Variants in PABPC4L observed in about 807,000 individuals in gnomAD.
PABPC4L encodes polyadenylate-binding protein 4-like.
For missense variants in PABPC4L, 452 were observed against 451.4 expected (o/e 1.00, Z -0.01); for synonymous variants, 169 against 164.1 (o/e 1.03, Z -0.23).
the PABPC4L span, among the ~76,000 whole-genome samples, chr4:134,146,498 T>C: frequency 6.6e-6 from 1 of 152,022 alleles, no homozygotes; most frequent in Non-Finnish European, 1.5e-5. Flanking sequence ...ATAGGAAATA[T>C]TTCAGCTCTT....
At chr4:134,157,963 C>G in the PABPC4L span, among the ~76,000 whole-genome samples, 2 of 151,676 alleles carry the variant, frequency 1.3e-5, no homozygotes, top group Non-Finnish European at 3.0e-5. Flanking sequence ...TGTTCTCTCT[C>G]TCCTCATATA....
chr4:133,970,687 CTCAAGGTGG>C, the PABPC4L span, among the ~76,000 whole-genome samples: 1 of 152,104 alleles, frequency 6.6e-6, no homozygotes, highest in South Asian at 2.1e-4. Context: ...AATTCTAACC[CTCAAGGTGG>C]TAGTATTAGG....
At chr4:134,077,445 A>G in the PABPC4L span, among the ~76,000 whole-genome samples, 2 of 152,064 alleles carry the variant, frequency 1.3e-5, no homozygotes, top group African/African-American at 4.8e-5. Flanking sequence ...GAAGAGGGGA[A>G]AAAAAAGTGT....
chr4:134,001,114 GT>G, the PABPC4L span, among the ~76,000 whole-genome samples: 2 of 151,894 alleles, frequency 1.3e-5, no homozygotes, highest in African/African-American at 4.8e-5. Flanking sequence ...TTTTAGCAGA[GT>G]TTGTATTCAA....
chr4:134,129,708 A>T, the PABPC4L span, among the ~76,000 whole-genome samples: 1 of 152,090 alleles, frequency 6.6e-6, no homozygotes, highest in Admixed American at 6.6e-5. Flanking sequence ...GACAAAACCT[A>T]TCAAAACCTC....
chr4:134,165,024 C>A, the PABPC4L span, among the ~76,000 whole-genome samples: 1 of 152,028 alleles, frequency 6.6e-6, no homozygotes, highest in South Asian at 2.1e-4. Flanking sequence ...AAAACATAAA[C>A]TGGGGAAAGG....
At chr4:133,986,195 G>T in the PABPC4L span, among the ~76,000 whole-genome samples, 8 of 152,000 alleles carry the variant, frequency 5.3e-5, no homozygotes, top group Non-Finnish European at 1.2e-4. Flanking sequence ...GGTATTAAAT[G>T]CTTGTCTGGT....
chr4:134,039,201 T>A, the PABPC4L span, among the ~76,000 whole-genome samples: 1 of 152,148 alleles, frequency 6.6e-6, no homozygotes, highest in Non-Finnish European at 1.5e-5. Context: ...TTCATTATGA[T>A]TTCCATTCTT....
chr4:134,033,945 G>T, the PABPC4L span, among the ~76,000 whole-genome samples: 1 of 151,954 alleles, frequency 6.6e-6, no homozygotes, highest in South Asian at 2.1e-4. Context: ...CTAAACAATA[G>T]ATTTTCAATA....
At chr4:134,085,730 A>G in the PABPC4L span, among the ~76,000 whole-genome samples, 1 of 152,110 alleles carries the variant, frequency 6.6e-6, no homozygotes, top group Non-Finnish European at 1.5e-5. Flanking sequence ...GGGAGTCTAC[A>G]ATGTTGTTTC....
In PABPC4L at chr4:134,199,752, A is replaced by T. The variant is rs548060082; in HGVS notation, c.*155T>A. 7.3e-6 allele frequency: 7 copies of T among 958,978 alleles called. 1 individual carries two copies. Among genetic ancestry groups the T allele is most frequent in the Non-Finnish European group, 1.0e-5 (7 of 679,802 alleles). The allele number at this position is 958,978 out of a possible 1,614,324, so 59.4% of individuals were successfully genotyped here. A position where few individuals can be genotyped will look rare whatever the true frequency, so the allele number is the denominator to read the frequency against. ...CATCTATTTTTCCACAAAAGAAAAAAAATGGCTTTGTATAAAAAACGTTTT... is the reference window on the plus strand; with the variant it reads ...CATCTATTTTTCCACAAAAGAAAAATAATGGCTTTGTATAAAAAACGTTTT... On this transcript the variant is annotated 3_prime_UTR_variant, in exon 2 of 2. Transcript: ENST00000421491.
chr4:134,065,367 T>G, the PABPC4L span, among the ~76,000 whole-genome samples: 1,931 of 152,234 alleles, frequency 0.013, 40 homozygotes, highest in African/African-American at 0.041. Context: ...ATTTTTTATA[T>G]GCTTGTTGGC....
the PABPC4L span, among the ~76,000 whole-genome samples, chr4:134,143,529 T>C: frequency 6.6e-6 from 1 of 150,574 alleles, no homozygotes; most frequent in Non-Finnish European, 1.5e-5. Context: ...GAACTTATGT[T>C]AATACACAAA....
At chr4:133,962,304 G>T in the PABPC4L span, among the ~76,000 whole-genome samples, 1 of 152,156 alleles carries the variant, frequency 6.6e-6, no homozygotes, top group Non-Finnish European at 1.5e-5. Flanking sequence ...ACTTGAAAAA[G>T]AATTCAGGAG....
At chr4:134,027,412 C>T in the PABPC4L span, among the ~76,000 whole-genome samples, 2 of 152,070 alleles carry the variant, frequency 1.3e-5, no homozygotes, top group Non-Finnish European at 2.9e-5. Flanking sequence ...AAAGAAGCCA[C>T]GTTGTTTTTA....
At chr4:134,186,744 C>T in the PABPC4L span, among the ~76,000 whole-genome samples, 26 of 152,052 alleles carry the variant, frequency 1.7e-4, no homozygotes, top group African/African-American at 4.8e-4. Flanking sequence ...CTACCATCAG[C>T]GTGAACAGGC....
chr4:133,978,445 AAAT>A, the PABPC4L span, among the ~76,000 whole-genome samples: 1 of 152,036 alleles, frequency 6.6e-6, no homozygotes, highest in Non-Finnish European at 1.5e-5. Context: ...TCATCTCTAC[AAAT>A]AATAATAATA....
the PABPC4L span, among the ~76,000 whole-genome samples, chr4:134,088,474 C>T: frequency 6.6e-6 from 1 of 151,976 alleles, no homozygotes; most frequent in Admixed American, 6.6e-5. Context: ...AATATCATTG[C>T]TATGGTGTGA....
At chr4:134,002,320 T>C in the PABPC4L span, among the ~76,000 whole-genome samples, 1 of 151,842 alleles carries the variant, frequency 6.6e-6, no homozygotes. Flanking sequence ...TATATCCTTA[T>C]TTAAAAGTTA....
Sources: allele counts gnomAD v4.1 joint callset (sites outside exome capture counted in the v4.1 genomes callset), GRCh38; gene constraint gnomAD v4.1.1; transcripts MANE v1.5; gene names NCBI Gene and HGNC (gene_info 2026-07-23, HGNC 2026-07-21).